The following OSBP2 variants were observed in gnomAD, a reference collection of about 807,000 sequenced individuals.
The protein encoded by OSBP2 is oxysterol binding protein 2, also known as oxysterol-binding protein 2.
OSBP2 carries 66 observed loss-of-function variants against 96.0 expected under a neutral mutation model. The ratio of observed to expected loss-of-function variants is 0.69; its 90% CI spans 0.56 to 0.84. The LOEUF (loss-of-function observed/expected upper bound fraction) is 0.84, where lower values mean the gene tolerates loss of function less well. Among genes scored for constraint, OSBP2 ranks in the 40% least tolerant of loss-of-function variants. The pLI, the probability that OSBP2 is intolerant of heterozygous loss-of-function variation, is 0.00. For synonymous variants in OSBP2, 525 were observed against 520.9 expected (o/e 1.01, Z -0.11); for missense variants, 1,038 against 1,222.7 (o/e 0.85, Z 2.25).
intron 1 of OSBP2, among the ~76,000 whole-genome samples, chr22:30,718,806 C>T (rs563338213): frequency 6.6e-6 from 1 of 152,250 alleles, no homozygotes; most frequent in East Asian, 1.9e-4. Context: ...GGCCCTTGCT[C>T]CTGAGCCCTG....
intron 2 of OSBP2, among the ~76,000 whole-genome samples, chr22:30,865,509 GT>G (rs2039317067): frequency 6.6e-6 from 1 of 151,766 alleles, no homozygotes; most frequent in Non-Finnish European, 1.5e-5. Flanking sequence ...ACGCATGCCT[GT>G]AATCCCAGCT....
rs763914195 is a variant in OSBP2, at chr22:30,889,477, A to G, written c.1477-13A>G. ...CTCTGCTGACGGTGAGGGGGTCCCC[A>G]CTTATGTGGCAGGTACTAGATGGTG... On this transcript the variant is annotated splice_polypyrimidine_tract_variant and intron_variant, in intron 6 of 13. Coordinates refer to ENST00000332585, the MANE Select transcript of OSBP2 (RefSeq NM_030758.4). 3.7e-6 allele frequency: 6 copies of G among 1,613,914 alleles called. No homozygotes were observed. The highest frequency in any genetic ancestry group is 1.6e-4 in the Middle Eastern group (1 of 6,084).
rs571868029 is a variant in OSBP2 at position 30,888,166 on chromosome 22, G to A, written c.1301-57G>A. The A allele has an allele frequency of 2.4e-5, 28 of 1,156,750 alleles. No individual in the cohort carries two copies. The South Asian group carries it at 2.6e-4, about 11-fold the overall frequency. 71.7% of individuals were successfully genotyped at this position (1,156,750 alleles called of 1,614,324 possible). ...GGGAGCCCTTGGCTCTGGACTTAGG[G>A]AGGCGAGATTGAGCCTTTTGTGAGG... On this transcript the variant is annotated intron_variant, in intron 4 of 13. Coordinates refer to ENST00000332585, the MANE Select transcript of OSBP2 (RefSeq NM_030758.4).
rs902999869 is a variant in OSBP2, at chr22:30,889,031, G to A, written c.1419-146G>A. 2.9e-4 allele frequency: 181 copies of A among 628,844 alleles called. 2 individuals carry two copies. Among genetic ancestry groups the A allele is most frequent in the Non-Finnish European group, 4.2e-4 (148 of 354,568 alleles). The allele number at this position is 628,844 out of a possible 1,614,324, so 39.0% of individuals were successfully genotyped here. A position where few individuals can be genotyped will look rare whatever the true frequency, so the allele number is the denominator to read the frequency against. The stretch of plus-strand genomic sequence containing the variant: ...TATCCACCCTTGAAATGTTGTTATT[G>A]CGGTGCCTGTCTACACACAGAACAC... On this transcript the variant is annotated intron_variant, in intron 5 of 13. Transcript: ENST00000332585.
intron 1 of OSBP2, among the ~76,000 whole-genome samples, chr22:30,731,988 C>T (rs1284622504): frequency 2.0e-5 from 3 of 152,130 alleles, no homozygotes; most frequent in Non-Finnish European, 2.9e-5. Context: ...CATTATCAGC[C>T]GTTACCAATC....
intron 1 of OSBP2, among the ~76,000 whole-genome samples, chr22:30,711,669 G>A (rs1232047693): frequency 6.6e-6 from 1 of 151,030 alleles, no homozygotes; most frequent in African/African-American, 2.4e-5. Flanking sequence ...GAGCCTGGGA[G>A]GCAGAAGTTG....
rs182459132 is a variant in OSBP2, at chr22:30,705,485, G to T, written c.644+9932G>T. On this transcript the variant is annotated intron_variant, in intron 1 of 13. Coordinates refer to ENST00000332585, the MANE Select transcript of OSBP2 (RefSeq NM_030758.4). ...ATTTTGTATTTTTAGTAGAGTCGGG[G>T]TTTCTCCATGTTGGTCAGGCTGGTC... Among the ~76,000 whole-genome samples the T allele has an allele frequency of 2.4e-4, 36 of 152,162 alleles. 1 individual carries two copies. In the East Asian group the frequency reaches 6.8e-3, roughly 29 times the overall value.
chr22:30,793,276 G>A (rs2145829341), intron 2 of OSBP2, among the ~76,000 whole-genome samples: 1 of 152,150 alleles, frequency 6.6e-6, no homozygotes, highest in East Asian at 1.9e-4. Flanking sequence ...TGTAATCCCA[G>A]CTACTCAGGA....
chr22:30,864,979 T>C (rs1037952726), intron 2 of OSBP2, among the ~76,000 whole-genome samples: 2 of 152,200 alleles, frequency 1.3e-5, no homozygotes, highest in African/African-American at 4.8e-5. Context: ...CCCCAGTCCA[T>C]AACCAGCCTA....
rs145962175 is a variant in OSBP2, at chr22:30,734,923, G to A, written c.645-6238G>A. Among the ~76,000 whole-genome samples, 3 of 152,308 alleles carry A rather than the reference G, an allele frequency of 2.0e-5. No individual in the cohort carries two copies. The East Asian group carries it at 5.8e-4, about 29-fold the overall frequency. On this transcript the variant is annotated intron_variant, in intron 1 of 13. Transcript: ENST00000332585. ...AGTAAGAGGCTGGGTGTGGTTGGTG[G>A]CTCATGCCTATAATCCTAGCACTTT...
chr22:30,887,238 A>G (rs2039831192), intron 3 of OSBP2, among the ~76,000 whole-genome samples, 188 bp from the exon 4 acceptor site: 1 of 152,052 alleles, frequency 6.6e-6, no homozygotes, highest in Admixed American at 6.5e-5. Flanking sequence ...CAAGGTCTTT[A>G]TGACCTGTAT....
Position 30,907,430 on chromosome 22 carries a change from G to C in OSBP2, c.*1091G>C, listed in dbSNP as rs1321773573. ...AAGACGGGTGCACCTGTCTGAGTTT[G>C]GCCCTCATGTGAGCTGTGCCCTTCC... On this transcript the variant is annotated 3_prime_UTR_variant, in exon 14 of 14. Transcript: ENST00000332585. The C allele has an allele frequency of 6.6e-6, 1 of 152,096 alleles. No individual in the cohort carries two copies. Among genetic ancestry groups the C allele is most frequent in the African/African-American group, 2.4e-5 (1 of 41,374 alleles). The allele number at this position is 152,096 out of a possible 1,614,324, so 9.4% of individuals were successfully genotyped here.
chr22:30,788,464 C>T (rs1230623240), intron 2 of OSBP2, among the ~76,000 whole-genome samples: 1 of 152,130 alleles, frequency 6.6e-6, no homozygotes, highest in Non-Finnish European at 1.5e-5. Flanking sequence ...AGAATGAGCT[C>T]TGGGGCAGCT....
chr22:30,702,784 C>T (rs1316823005), intron 1 of OSBP2, among the ~76,000 whole-genome samples: 2 of 152,214 alleles, frequency 1.3e-5, no homozygotes, highest in South Asian at 2.1e-4. Flanking sequence ...CTGAGCTTCT[C>T]TGCAGATAAC....
intron 3 of OSBP2, among the ~76,000 whole-genome samples, chr22:30,876,320 C>T (rs1323914416): frequency 6.6e-6 from 1 of 152,232 alleles, no homozygotes; most frequent in Non-Finnish European, 1.5e-5. Context: ...CTTCCTGGGC[C>T]TCTGGACAGT....
chr22:30,715,574 G>T (rs1468523534), intron 1 of OSBP2, among the ~76,000 whole-genome samples: 1 of 148,292 alleles, frequency 6.7e-6, no homozygotes, highest in Non-Finnish European at 1.5e-5. Flanking sequence ...TTTTTGAGGT[G>T]GAGTTTCACT....
intron 1 of OSBP2, among the ~76,000 whole-genome samples, chr22:30,727,829 G>A (rs1033500129): frequency 6.6e-5 from 10 of 152,116 alleles, no homozygotes; most frequent in African/African-American, 9.7e-5. Context: ...ACCCTGGGCC[G>A]GGCGCAGTGT....
chr22:30,751,949 G>A (rs1000771088), intron 2 of OSBP2, among the ~76,000 whole-genome samples: 1 of 152,164 alleles, frequency 6.6e-6, no homozygotes, highest in Non-Finnish European at 1.5e-5. Context: ...AGGAGGGAAA[G>A]CCATGGTCAT....
intron 2 of OSBP2, among the ~76,000 whole-genome samples, chr22:30,822,280 A>AT (rs1389662097): frequency 1.3e-5 from 2 of 152,186 alleles, no homozygotes; most frequent in Admixed American, 1.3e-4. Flanking sequence ...TTTCGCTCGG[A>AT]TTTTCGCATT....
Sources: gnomAD v4.1 joint callset for allele counts (sites outside exome capture counted in the v4.1 genomes callset) on GRCh38, gnomAD v4.1.1 for gene constraint, MANE v1.5 for transcripts, NCBI Gene and HGNC (gene_info 2026-07-23, HGNC 2026-07-21) for gene names.